The following SMG6 variants were observed in gnomAD, a reference collection of about 807,000 sequenced individuals.
The protein encoded by SMG6 is telomerase-binding protein EST1A.
SMG6 carries 66 observed loss-of-function variants against 142.2 expected under a neutral mutation model. The observed-to-expected ratio is 0.46, with a 90% confidence interval of 0.38 to 0.57. The LOEUF (loss-of-function observed/expected upper bound fraction) is 0.57. Ranked by LOEUF, SMG6 falls within the 20% of genes least tolerant of loss-of-function variation. The probability of loss-of-function intolerance (pLI) is 0.00; values close to 1 mark genes in which losing one functional copy is unlikely to be tolerated. For synonymous variants in SMG6, 779 were observed against 702.4 expected (o/e 1.11, Z -1.72); for missense variants, 1,793 against 1,832.0 (o/e 0.98, Z 0.39).
In SMG6 at chr17:2,156,890, C is replaced by T. The variant is rs535415112; in HGVS notation, c.3357+15768G>A. Among the ~76,000 whole-genome samples the T allele has an allele frequency of 9.9e-5, 15 of 152,266 alleles. No individual in the cohort carries two copies. In the South Asian group the frequency reaches 1.2e-3, roughly 13 times the overall value. On this transcript the variant is annotated intron_variant, in intron 13 of 18. Transcript: ENST00000263073. The stretch of plus-strand genomic sequence containing the variant: ...CTGGTCTCGAACTTCTGGGCTCGAG[C>T]GATCCTCCCGCTTTAGCTTCCCAAA...
chr17:2,211,866 A>G (rs2072875315), intron 10 of SMG6, among the ~76,000 whole-genome samples: 1 of 152,064 alleles, frequency 6.6e-6, no homozygotes. Context: ...CCACATCCAC[A>G]TCTCTCGCTC....
chr17:2,225,793 A>G (rs1245643130), intron 10 of SMG6, among the ~76,000 whole-genome samples: 1 of 152,218 alleles, frequency 6.6e-6, no homozygotes, highest in African/African-American at 2.4e-5. Context: ...AAAAGAAAAG[A>G]AGACTAGTGC....
At chr17:2,113,820 G>A (rs1190296549) in intron 13 of SMG6, among the ~76,000 whole-genome samples, 1 of 152,118 alleles carries the variant, frequency 6.6e-6, no homozygotes, top group Non-Finnish European at 1.5e-5. Flanking sequence ...CTCCTCCTGA[G>A]TGTCACACGA....
intron 13 of SMG6, among the ~76,000 whole-genome samples, chr17:2,097,301 C>T (rs1012456193): frequency 4.6e-5 from 7 of 151,946 alleles, no homozygotes; most frequent in African/African-American, 1.2e-4. Context: ...ACCACAGGTG[C>T]GAGCCACCAC....
chr17:2,146,851 C>T (rs2070684309), intron 13 of SMG6, among the ~76,000 whole-genome samples: 1 of 152,168 alleles, frequency 6.6e-6, no homozygotes, highest in African/African-American at 2.4e-5. Context: ...CACGTGTGAG[C>T]CACCACGCAT....
chr17:2,069,863 T>C (rs1461476367), intron 15 of SMG6, among the ~76,000 whole-genome samples: 1 of 152,224 alleles, frequency 6.6e-6, no homozygotes, highest in Non-Finnish European at 1.5e-5. Flanking sequence ...GCCACGAATC[T>C]GTACCAGCTA....
intron 6 of SMG6, among the ~76,000 whole-genome samples, chr17:2,288,855 G>A (rs945517609): frequency 1.3e-5 from 2 of 151,844 alleles, no homozygotes; most frequent in Non-Finnish European, 1.5e-5. Flanking sequence ...TGAGGTGGGC[G>A]GATCACGAGG....
intron 13 of SMG6, among the ~76,000 whole-genome samples, chr17:2,164,731 G>C (rs947119009): frequency 6.6e-6 from 1 of 152,140 alleles, no homozygotes; most frequent in South Asian, 2.1e-4. Context: ...GAGGTCAGGC[G>C]TTTGAGACCA....
At chr17:2,181,634 C>T (rs1045261972) in intron 12 of SMG6, among the ~76,000 whole-genome samples, 1 of 152,230 alleles carries the variant, frequency 6.6e-6, no homozygotes, top group Non-Finnish European at 1.5e-5. Flanking sequence ...GTGAAGAAGT[C>T]TGAGAAGACT....
intron 15 of SMG6, among the ~76,000 whole-genome samples, chr17:2,079,124 C>T (rs1349832849): frequency 3.3e-5 from 5 of 152,170 alleles, no homozygotes; most frequent in South Asian, 4.2e-4. Flanking sequence ...CCACCACACC[C>T]GGCTCACTTT....
intron 13 of SMG6, among the ~76,000 whole-genome samples, chr17:2,092,714 G>A (rs2068757544): frequency 6.6e-6 from 1 of 152,240 alleles, no homozygotes; most frequent in African/African-American, 2.4e-5. Flanking sequence ...GGTAAATAAA[G>A]TATAAAAAAC....
intron 10 of SMG6, among the ~76,000 whole-genome samples, chr17:2,224,331 T>C (rs1413085016): frequency 6.6e-6 from 1 of 152,178 alleles, no homozygotes; most frequent in Non-Finnish European, 1.5e-5. Context: ...TAAAATGCCA[T>C]GTTGAATATA....
intron 15 of SMG6, among the ~76,000 whole-genome samples, chr17:2,070,810 G>T (rs1206303454): frequency 1.3e-5 from 2 of 152,182 alleles, no homozygotes; most frequent in Non-Finnish European, 2.9e-5. Flanking sequence ...CTTCCCATGG[G>T]AGGCGGGGTC....
chr17:2,086,927 C>T (rs1317663629), intron 13 of SMG6: 13 of 1,112,678 alleles, frequency 1.2e-5, no homozygotes, highest in Admixed American at 8.4e-5. Flanking sequence ...GGGAAACACA[C>T]GTCCGTGGCC....
chr17:2,093,325 AG>A (rs1452679097), intron 13 of SMG6, among the ~76,000 whole-genome samples: 2 of 152,056 alleles, frequency 1.3e-5, no homozygotes. Flanking sequence ...TAGGAGGCTG[AG>A]GTAGGAGGAT....
At chr17:2,261,190 T>C (rs1407783694) in intron 8 of SMG6, among the ~76,000 whole-genome samples, 1 of 151,180 alleles carries the variant, frequency 6.6e-6, no homozygotes. Flanking sequence ...GGCGAGCACC[T>C]GTAGTCCCAG....
intron 13 of SMG6, among the ~76,000 whole-genome samples, chr17:2,141,574 T>C (rs2070480362): frequency 6.6e-6 from 1 of 152,182 alleles, no homozygotes; most frequent in Non-Finnish European, 1.5e-5. Flanking sequence ...CTTGAATGGC[T>C]AGGACCACAG....
chr17:2,288,882 A>G (rs1357233522), intron 6 of SMG6, among the ~76,000 whole-genome samples: 3 of 151,852 alleles, frequency 2.0e-5, no homozygotes, highest in Non-Finnish European at 2.9e-5. Flanking sequence ...GATTGAGACC[A>G]TCCTGGCTAA....
At chr17:2,115,384 C>T (rs2069475523) in intron 13 of SMG6, among the ~76,000 whole-genome samples, 1 of 152,020 alleles carries the variant, frequency 6.6e-6, no homozygotes, top group Admixed American at 6.6e-5. Context: ...GGATACCAAT[C>T]TAAGGAATTG....
Sources: gnomAD v4.1 joint callset for allele counts (sites outside exome capture counted in the v4.1 genomes callset) on GRCh38, gnomAD v4.1.1 for gene constraint, MANE v1.5 for transcripts, NCBI Gene and HGNC (gene_info 2026-07-23, HGNC 2026-07-21) for gene names.